The following PTPRD variants were observed in gnomAD, a reference collection of about 807,000 sequenced individuals.
PTPRD encodes receptor-type tyrosine-protein phosphatase delta.
Under a neutral mutation model 214.5 loss-of-function variants are expected in PTPRD, and 34 were observed. That is an observed-to-expected ratio of 0.16 (90% CI 0.12 to 0.21). PTPRD has a LOEUF of 0.21. Among genes scored for constraint, PTPRD ranks in the 10% least tolerant of loss-of-function variants. The pLI, the probability that PTPRD is intolerant of heterozygous loss-of-function variation, is 1.00. For synonymous variants in PTPRD, 1,128 were observed against 845.7 expected, an observed-to-expected ratio of 1.33 and a Z score of -5.79; for missense variants, 2,545 against 2,398.7, an observed-to-expected ratio of 1.06 and a Z score of -1.27.
intron 35 of PTPRD, among the ~76,000 whole-genome samples, chr9:8,423,456 T>C (rs1402838346): frequency 6.6e-6 from 1 of 152,204 alleles, no homozygotes. Flanking sequence ...AGCTTTTGTA[T>C]GAAATTAAGT....
At chr9:8,489,265 T>G (rs2097100293) in intron 27 of PTPRD, among the ~76,000 whole-genome samples, 1 of 152,174 alleles carries the variant, frequency 6.6e-6, no homozygotes, top group South Asian at 2.1e-4. Context: ...TTGTTTTTGA[T>G]GTTGGCATGA....
At chr9:8,833,958 A>C (rs2097357035) in intron 11 of PTPRD, among the ~76,000 whole-genome samples, 1 of 136,422 alleles carries the variant, frequency 7.3e-6, no homozygotes, top group Non-Finnish European at 1.7e-5. Context: ...TCAGATTTTT[A>C]AAAATTCACC....
At chr9:10,466,851 G>C (rs899702792) in intron 2 of PTPRD, among the ~76,000 whole-genome samples, 5 of 152,088 alleles carry the variant, frequency 3.3e-5, no homozygotes, top group Admixed American at 2.0e-4. Flanking sequence ...GGGAGAAATA[G>C]AAGCATAATT....
intron 11 of PTPRD, among the ~76,000 whole-genome samples, chr9:9,003,286 C>T (rs934465037): frequency 3.9e-5 from 6 of 151,930 alleles, no homozygotes; most frequent in African/African-American, 1.2e-4. Context: ...CTATGAGCAA[C>T]TAAGACATGA....
At chr9:9,010,330 C>A (rs1449149544) in intron 11 of PTPRD, among the ~76,000 whole-genome samples, 1 of 152,102 alleles carries the variant, frequency 6.6e-6, no homozygotes, top group South Asian at 2.1e-4. Context: ...ATCCATAAGA[C>A]TTTTTGAGTT....
At chr9:10,460,843 G>C (rs544697074) in intron 2 of PTPRD, among the ~76,000 whole-genome samples, 3 of 152,176 alleles carry the variant, frequency 2.0e-5, no homozygotes, top group African/African-American at 7.2e-5. Flanking sequence ...ATGATTTATT[G>C]GGTATCACAC....
chr9:9,602,754 T>C (rs2093871504), intron 7 of PTPRD, among the ~76,000 whole-genome samples: 1 of 152,130 alleles, frequency 6.6e-6, no homozygotes, highest in African/African-American at 2.4e-5. Context: ...TCTTGAAATG[T>C]TCTTTCATGG....
Position 8,517,830 on chromosome 9 carries a change from C to T in PTPRD, c.1543+18G>A, listed in dbSNP as rs756147119. On this transcript the variant is annotated intron_variant, in intron 21 of 45. Coordinates refer to ENST00000381196, the MANE Select transcript of PTPRD (RefSeq NM_002839.4). ...AGCCCTTCCCTCCTGCCCTATTTCC[C>T]TCCTCAACCAAACTTACCTCCTGTC... 6.2e-6 allele frequency: 10 copies of T among 1,601,172 alleles called. No homozygotes were observed. Among genetic ancestry groups the T allele is most frequent in the Non-Finnish European group, 8.5e-6 (10 of 1,172,520 alleles).
At chr9:9,355,337 A>C (rs1316066782) in intron 9 of PTPRD, among the ~76,000 whole-genome samples, 1 of 151,414 alleles carries the variant, frequency 6.6e-6, no homozygotes, top group African/African-American at 2.4e-5. Flanking sequence ...CTATTGCTGA[A>C]ATTTAGGCTA....
chr9:8,483,638 G>C (rs1345315588), intron 30 of PTPRD, among the ~76,000 whole-genome samples: 1 of 152,166 alleles, frequency 6.6e-6, no homozygotes, highest in African/African-American at 2.4e-5. Flanking sequence ...TGTAATCCCA[G>C]CTACTCAGGA....
intron 4 of PTPRD, among the ~76,000 whole-genome samples, chr9:9,942,295 T>C (rs2091668646): frequency 2.0e-5 from 3 of 152,098 alleles, no homozygotes. Context: ...CACTTAAAGT[T>C]AGGTGGGCAT....
intron 2 of PTPRD, among the ~76,000 whole-genome samples, chr9:10,548,127 A>G (rs2060541740): frequency 6.6e-6 from 1 of 152,164 alleles, no homozygotes; most frequent in African/African-American, 2.4e-5. Flanking sequence ...AAAAGAGGTA[A>G]ACAAAATTTA....
At position 10,337,766 on chromosome 9, in the gene PTPRD, G is replaced by A. The variant is rs148115427; in HGVS notation, c.-545+3197C>T. Reference sequence around the variant, plus strand: ...ATGAGGTAGACATTTTTACAGGTGCGGGAACTGAGGCTCAGAAACATTTGA... The same window carrying A: ...ATGAGGTAGACATTTTTACAGGTGCAGGAACTGAGGCTCAGAAACATTTGA... On this transcript the variant is annotated intron_variant, in intron 3 of 45. Coordinates refer to ENST00000381196, the MANE Select transcript of PTPRD (RefSeq NM_002839.4). Among the ~76,000 whole-genome samples, 790 of 151,668 alleles carry A rather than the reference G, an allele frequency of 5.2e-3. 5 individuals are homozygous for A. Among genetic ancestry groups the A allele is most frequent in the Middle Eastern group, 0.027 (8 of 294 alleles).
chr9:10,469,284 G>T (rs1163486199), intron 2 of PTPRD, among the ~76,000 whole-genome samples: 1 of 151,978 alleles, frequency 6.6e-6, no homozygotes, highest in Non-Finnish European at 1.5e-5. Flanking sequence ...CAAAATACCA[G>T]AAAATATTTT....
chr9:9,481,783 A>G (rs2095424936), intron 8 of PTPRD, among the ~76,000 whole-genome samples: 1 of 152,140 alleles, frequency 6.6e-6, no homozygotes, highest in African/African-American at 2.4e-5. Context: ...CTAGGCCAAG[A>G]GAATCACAGA....
intron 11 of PTPRD, among the ~76,000 whole-genome samples, chr9:8,851,814 G>C (rs971729370): frequency 2.0e-5 from 3 of 151,994 alleles, no homozygotes; most frequent in African/African-American, 7.2e-5. Flanking sequence ...AGAGCTCACA[G>C]ATAATAAGTG....
intron 8 of PTPRD, among the ~76,000 whole-genome samples, chr9:9,477,140 A>T (rs1240718308): frequency 6.6e-6 from 1 of 152,208 alleles, no homozygotes; most frequent in Admixed American, 6.5e-5. Flanking sequence ...AATGTAGGCC[A>T]TTGGAAAAGA....
At chr9:9,269,461 T>A (rs7858114) in intron 9 of PTPRD, among the ~76,000 whole-genome samples, 4 of 147,830 alleles carry the variant, frequency 2.7e-5, no homozygotes, top group African/African-American at 9.9e-5. Flanking sequence ...TCAAAAAAAA[T>A]AAAAATAAGA....
At chr9:9,450,986 C>CACACACAG (rs888328014) in intron 8 of PTPRD, among the ~76,000 whole-genome samples, 6 of 150,620 alleles carry the variant, frequency 4.0e-5, no homozygotes, top group African/African-American at 1.5e-4. Context: ...CACACACACA[C>CACACACAG]AGACACACAG....
Sources: gnomAD v4.1 joint callset for allele counts (sites outside exome capture counted in the v4.1 genomes callset) on GRCh38, gnomAD v4.1.1 for gene constraint, MANE v1.5 for transcripts, NCBI Gene and HGNC (gene_info 2026-07-23, HGNC 2026-07-21) for gene names.